The following TMCC1 variants were observed in gnomAD, a reference collection of about 807,000 sequenced individuals.
TMCC1 encodes the protein transmembrane and coiled-coil domains protein 1.
Under a neutral mutation model 52.4 loss-of-function variants are expected in TMCC1, and 15 were observed. The observed-to-expected ratio is 0.29, with a 90% CI of 0.19 to 0.44. The LOEUF is 0.44. TMCC1 is among the 20% of genes least tolerant of loss of function. The pLI is 1.00. For missense variants in TMCC1, 503 were observed against 806.0 expected (o/e 0.62, Z 4.55); for synonymous variants, 279 against 301.9 (o/e 0.92, Z 0.79).
At chr3:129,757,230 A>C (rs1426678555) in intron 4 of TMCC1, among the ~76,000 whole-genome samples, 2 of 152,238 alleles carry the variant, frequency 1.3e-5, no homozygotes, top group African/African-American at 4.8e-5. Flanking sequence ...ATGCCCATGA[A>C]CCTTAATAAA....
intron 4 of TMCC1, among the ~76,000 whole-genome samples, chr3:129,815,423 T>C (rs1053466615): frequency 6.6e-6 from 1 of 152,062 alleles, no homozygotes; most frequent in Non-Finnish European, 1.5e-5. Context: ...TGGAACAGAA[T>C]GGAAAACCCA....
chr3:129,781,549 A>G (rs1180765510), intron 4 of TMCC1, among the ~76,000 whole-genome samples: 5 of 152,078 alleles, frequency 3.3e-5, no homozygotes, highest in Non-Finnish European at 7.4e-5. Flanking sequence ...ATCTTCTTTC[A>G]TGCTTTGTCT....
At chr3:129,840,740 T>G (rs895715367) in intron 2 of TMCC1, among the ~76,000 whole-genome samples, 1 of 152,226 alleles carries the variant, frequency 6.6e-6, no homozygotes, top group Non-Finnish European at 1.5e-5. Flanking sequence ...CATGCCTTTC[T>G]TCCCCTTCAC....
At chr3:129,834,977 G>A (rs2059089470) in intron 2 of TMCC1, among the ~76,000 whole-genome samples, 1 of 152,150 alleles carries the variant, frequency 6.6e-6, no homozygotes, top group African/African-American at 2.4e-5. Flanking sequence ...AGACGGTTGT[G>A]AGAGCTATTT....
chr3:129,741,405 A>G (rs2051446547), intron 4 of TMCC1, among the ~76,000 whole-genome samples: 1 of 152,178 alleles, frequency 6.6e-6, no homozygotes, highest in African/African-American at 2.4e-5. Flanking sequence ...TTTATAAAAG[A>G]GAAGATTGAG....
intron 4 of TMCC1, among the ~76,000 whole-genome samples, chr3:129,821,687 T>C (rs1029610929): frequency 6.6e-6 from 1 of 152,196 alleles, no homozygotes; most frequent in African/African-American, 2.4e-5. Flanking sequence ...ACTTTAATTA[T>C]GGGCCCTGTT....
intron 4 of TMCC1, among the ~76,000 whole-genome samples, chr3:129,787,383 A>G (rs1158585975): frequency 6.6e-6 from 1 of 152,196 alleles, no homozygotes; most frequent in Non-Finnish European, 1.5e-5. Context: ...CTTACAACCT[A>G]TATGATGGAA....
At chr3:129,748,362 A>G (rs572502963) in intron 4 of TMCC1, among the ~76,000 whole-genome samples, 8 of 152,266 alleles carry the variant, frequency 5.3e-5, no homozygotes, top group African/African-American at 1.9e-4. Flanking sequence ...ATCTCGGCTC[A>G]CTGCAACCTC....
chr3:129,854,940 G>A (rs2060085464), intron 2 of TMCC1, among the ~76,000 whole-genome samples: 1 of 152,136 alleles, frequency 6.6e-6, no homozygotes, highest in South Asian at 2.1e-4. Context: ...TGTTGCCTAG[G>A]TGGCCCAATA....
chr3:129,814,461 C>T (rs889824343), intron 4 of TMCC1, among the ~76,000 whole-genome samples: 2 of 151,710 alleles, frequency 1.3e-5, no homozygotes, highest in East Asian at 1.9e-4. Context: ...ATCACTTAAC[C>T]ACAAAGACAA....
rs2053043029 is a variant in TMCC1, at chr3:129,756,677, G to A, written c.576+71126C>T. ...CTCCCAAAGTGCTGGGATTACAGGC[G>A]TGAGCCACCGCACCCGGCCAGATGG... On this transcript the variant is annotated intron_variant, in intron 4 of 6. Transcript: ENST00000393238. Among the ~76,000 whole-genome samples, 5 of 152,286 alleles carry A rather than the reference G, an allele frequency of 3.3e-5. No homozygotes were observed. In the South Asian group the frequency reaches 8.3e-4, roughly 25 times the overall value.
intron 1 of TMCC1, among the ~76,000 whole-genome samples, chr3:129,885,435 A>G (rs1326116103): frequency 6.6e-6 from 1 of 151,688 alleles, no homozygotes; most frequent in Non-Finnish European, 1.5e-5. Context: ...AAACACAAAA[A>G]TTAGCCAGGC....
rs375715263 is a variant in TMCC1, at chr3:129,677,369, A to C, written c.577-6105T>G. 4.6e-5 allele frequency among the ~76,000 whole-genome samples: 7 copies of C among 152,366 alleles called. No individual in the cohort carries two copies. The East Asian group carries it at 1.3e-3, about 29-fold the overall frequency. ...AGTCTGTTAATGTGGGAAAATGTTA[A>C]AAATTTTCTATTTTCTGAGCATGTG... On this transcript the variant is annotated intron_variant, in intron 4 of 6. Transcript: ENST00000393238.
At position 129,744,919 on chromosome 3, in the gene TMCC1, T is replaced by C. The variant is rs139459765; in HGVS notation, c.577-73655A>G. On this transcript the variant is annotated intron_variant, in intron 4 of 6. Transcript: ENST00000393238. ...GAACTATTATGATGCTTTTTGTTAA[T>C]CATTTAGAGTACATCAAGAATCTTC... is the stretch of plus-strand genomic sequence containing the variant. Among the ~76,000 whole-genome samples, 694 of 152,308 alleles carry C rather than the reference T, an allele frequency of 4.6e-3. 8 individuals are homozygous for C. The highest frequency in any genetic ancestry group is 0.016 in the African/African-American group (660 of 41,566).
In TMCC1 at chr3:129,763,212, AAATAAAT is replaced by A. The variant is rs2053770339; in HGVS notation, c.576+64584_576+64590del. Among the ~76,000 whole-genome samples the A allele has an allele frequency of 1.9e-4, 15 of 79,252 alleles. 1 individual carries two copies. Among genetic ancestry groups the A allele is most frequent in the African/African-American group, 1.0e-3 (15 of 14,744 alleles). The allele number at this position is 79,252 out of a possible 152,430, so 52.0% of individuals were successfully genotyped here. ...GACTCTGTCTCAAAAAATAAAAAAT[AAATAAAT>A]AAATAAATAAATAAATAAATAAATA... On this transcript the variant is annotated intron_variant, in intron 4 of 6. Transcript: ENST00000393238.
chr3:129,739,347 C>T (rs957647940), intron 4 of TMCC1, among the ~76,000 whole-genome samples: 21 of 152,058 alleles, frequency 1.4e-4, no homozygotes, highest in Admixed American at 3.9e-4. Context: ...TTTGTATTTT[C>T]AGTAGAGACG....
At chr3:129,783,446 A>T (rs1560410024) in intron 4 of TMCC1, among the ~76,000 whole-genome samples, 1 of 151,788 alleles carries the variant, frequency 6.6e-6, no homozygotes, top group East Asian at 1.9e-4. Context: ...TTTTATGATC[A>T]TTTTTTTTCC....
At chr3:129,688,688 G>C (rs1410813287) in intron 4 of TMCC1, 2 of 985,282 alleles carry the variant, frequency 2.0e-6, no homozygotes, top group East Asian at 2.3e-4. Flanking sequence ...ACAAGCATCC[G>C]TGTGTGTGCG....
chr3:129,781,698 A>T (rs994104845), intron 4 of TMCC1, among the ~76,000 whole-genome samples: 4 of 152,074 alleles, frequency 2.6e-5, no homozygotes, highest in African/African-American at 9.7e-5. Flanking sequence ...TGGGGCCCTA[A>T]ATACCATGTA....
Sources: gnomAD v4.1 joint callset for allele counts (sites outside exome capture counted in the v4.1 genomes callset) on GRCh38, gnomAD v4.1.1 for gene constraint, MANE v1.5 for transcripts, NCBI Gene and HGNC (gene_info 2026-07-23, HGNC 2026-07-21) for gene names.